The following GLIS3 variants were observed in gnomAD, a reference collection of about 807,000 sequenced individuals.
The protein encoded by GLIS3 is GLIS family zinc finger 3.
In GLIS3, 53 loss-of-function variants were observed where a neutral mutation model predicts 78.6. The observed-to-expected ratio is 0.67, with a 90% CI of 0.54 to 0.85. The LOEUF (loss-of-function observed/expected upper bound fraction) is 0.85, where lower values mean the gene tolerates loss of function less well. Ranked by LOEUF, GLIS3 falls within the 40% of genes least tolerant of loss-of-function variation. The pLI, the probability that GLIS3 is intolerant of heterozygous loss-of-function variation, is 0.00. For synonymous variants in GLIS3, 684 were observed against 509.9 expected, an observed-to-expected ratio of 1.34 and a Z score of -4.60; for missense variants, 1,703 against 1,231.1, an observed-to-expected ratio of 1.38 and a Z score of -5.74.
intron 4 of GLIS3, among the ~76,000 whole-genome samples, chr9:4,025,191 G>A (rs928677043): frequency 6.6e-6 from 1 of 151,932 alleles, no homozygotes; most frequent in Non-Finnish European, 1.5e-5. Context: ...GGCAGACGTT[G>A]CAGTGAGCCA....
At chr9:4,448,073 A>G in the GLIS3 span, among the ~76,000 whole-genome samples, 1 of 152,184 alleles carries the variant, frequency 6.6e-6, no homozygotes, top group East Asian at 1.9e-4. Flanking sequence ...GTACTCTGAT[A>G]GAGCCCAGCT....
rs374278034 is a variant in GLIS3, at chr9:3,828,235, C to T, written c.*37G>A. The T allele has an allele frequency of 2.5e-6, 4 of 1,613,464 alleles. 1 individual carries two copies. The highest frequency in any genetic ancestry group is 2.7e-5 in the African/African-American group (2 of 75,062). ...GAAAACAAAAGGTGGCAAGCAACATCAAGGTCCTGGGTGTGCAGGAGTGGC... is the reference window on the plus strand; with the variant it reads ...GAAAACAAAAGGTGGCAAGCAACATTAAGGTCCTGGGTGTGCAGGAGTGGC... On this transcript the variant is annotated 3_prime_UTR_variant, in exon 11 of 11. Transcript: ENST00000381971.
At chr9:4,195,204 G>T (rs930091747) in intron 2 of GLIS3, among the ~76,000 whole-genome samples, 1 of 152,228 alleles carries the variant, frequency 6.6e-6, no homozygotes, top group African/African-American at 2.4e-5. Flanking sequence ...GGCCACGCTT[G>T]AGGAGCCCTT....
At position 4,125,975 on chromosome 9, in the gene GLIS3, C is replaced by G. The variant is rs768218094; in HGVS notation, c.389-34G>C. The stretch of plus-strand genomic sequence containing the variant: ...AAATGAATCAGGTTAGCTTTCATGT[C>G]CCTTACATCAGAAATCAGTAAATAC... On this transcript the variant is annotated intron_variant, in intron 2 of 10. Transcript: ENST00000381971. The G allele has an allele frequency of 2.0e-6, 3 of 1,512,690 alleles. 1 individual carries two copies. The highest frequency in any genetic ancestry group is 1.7e-5 in the Admixed American group (1 of 59,748). 93.7% of individuals were successfully genotyped at this position (1,512,690 alleles called of 1,614,324 possible).
intron 2 of GLIS3, among the ~76,000 whole-genome samples, chr9:4,151,308 A>G (rs1394758197): frequency 6.6e-6 from 1 of 152,224 alleles, no homozygotes; most frequent in Non-Finnish European, 1.5e-5. Context: ...ACATTTTTAA[A>G]AAGAGGTTCA....
intron 9 of GLIS3, among the ~76,000 whole-genome samples, chr9:3,855,064 G>C (rs1819678382): frequency 6.6e-6 from 1 of 152,196 alleles, no homozygotes; most frequent in Non-Finnish European, 1.5e-5. Flanking sequence ...CAGCCTAAAA[G>C]GACAGTATCT....
In GLIS3 at chr9:3,824,893, GC is replaced by G. The variant is rs1480778411; in HGVS notation, c.*3378del. 3 of 119,646 alleles carry G rather than the reference GC, an allele frequency of 2.5e-5. No individual in the cohort carries two copies. The highest frequency in any genetic ancestry group is 6.3e-5 in the African/African-American group (2 of 31,550). 7.4% of individuals were successfully genotyped at this position (119,646 alleles called of 1,614,324 possible). On this transcript the variant is annotated 3_prime_UTR_variant, in exon 11 of 11. Transcript: ENST00000381971. The stretch of plus-strand genomic sequence containing the variant: ...TACACTCACTATTTCTCCAATGAGT[GC>G]TTTTTTTTTTTTGCTTCATCTGTTG...
intron 4 of GLIS3, among the ~76,000 whole-genome samples, chr9:4,089,602 G>A (rs1350756192): frequency 6.6e-6 from 1 of 152,138 alleles, no homozygotes; most frequent in East Asian, 1.9e-4. Flanking sequence ...CAAGCAGGAG[G>A]ATCTCTTGAG....
chr9:4,297,163 G>A (rs1286618806), intron 1 of GLIS3, among the ~76,000 whole-genome samples: 2 of 152,098 alleles, frequency 1.3e-5, no homozygotes, highest in Non-Finnish European at 2.9e-5. Context: ...GGTCCAGTGA[G>A]GAACAAGACA....
chr9:3,925,970 A>T (rs1234899696), intron 6 of GLIS3, among the ~76,000 whole-genome samples: 1 of 152,208 alleles, frequency 6.6e-6, no homozygotes, highest in Non-Finnish European at 1.5e-5. Context: ...GTGAGGGCAG[A>T]GTGTACTCAG....
chr9:4,354,702 T>C, the GLIS3 span, among the ~76,000 whole-genome samples: 1 of 151,986 alleles, frequency 6.6e-6, no homozygotes, highest in African/African-American at 2.4e-5. Context: ...AGCACTGGAG[T>C]GATGCATAAG....
intron 4 of GLIS3, among the ~76,000 whole-genome samples, chr9:4,086,717 G>T (rs903780708): frequency 2.0e-5 from 3 of 152,180 alleles, no homozygotes; most frequent in African/African-American, 7.2e-5. Flanking sequence ...GTGCTGAGCA[G>T]GCTCTACAGC....
At chr9:4,397,486 C>A in the GLIS3 span, among the ~76,000 whole-genome samples, 1 of 151,696 alleles carries the variant, frequency 6.6e-6, no homozygotes, top group Admixed American at 6.6e-5. Flanking sequence ...ATGTGTCCCA[C>A]TGCTTCCCCC....
intron 2 of GLIS3, among the ~76,000 whole-genome samples, chr9:4,253,136 G>A (rs1419818174): frequency 1.3e-5 from 2 of 152,242 alleles, no homozygotes; most frequent in African/African-American, 2.4e-5. Flanking sequence ...CAGAGCTCAA[G>A]CGCTGTGCTG....
At chr9:4,463,300 A>G in the GLIS3 span, among the ~76,000 whole-genome samples, 3 of 152,230 alleles carry the variant, frequency 2.0e-5, no homozygotes, top group Non-Finnish European at 2.9e-5. Context: ...TAAGAAAGGA[A>G]TTAAGCTGAT....
At chr9:4,362,468 C>G in the GLIS3 span, among the ~76,000 whole-genome samples, 12 of 152,312 alleles carry the variant, frequency 7.9e-5, no homozygotes, top group Admixed American at 2.0e-4. Flanking sequence ...GATGACCACA[C>G]GCTTTCCATC....
At chr9:4,234,119 CGT>C (rs76063778) in intron 2 of GLIS3, among the ~76,000 whole-genome samples, 18,407 of 152,188 alleles carry the variant, frequency 0.12, 1,273 homozygotes, top group African/African-American at 0.18. Context: ...AAACTTTCTC[CGT>C]ATCAGCAATG....
At chr9:4,445,032 T>C in the GLIS3 span, among the ~76,000 whole-genome samples, 10 of 152,332 alleles carry the variant, frequency 6.6e-5, no homozygotes, top group African/African-American at 2.4e-4. Flanking sequence ...TATATACTAG[T>C]TGGTTGCATT....
intron 2 of GLIS3, among the ~76,000 whole-genome samples, chr9:4,201,716 T>C (rs1008757328): frequency 6.6e-6 from 1 of 152,170 alleles, no homozygotes; most frequent in Non-Finnish European, 1.5e-5. Context: ...AAACATTCTA[T>C]GCTCATGGAT....
Sources: gnomAD v4.1 joint callset for allele counts (sites outside exome capture counted in the v4.1 genomes callset) on GRCh38, gnomAD v4.1.1 for gene constraint, MANE v1.5 for transcripts, NCBI Gene and HGNC (gene_info 2026-07-23, HGNC 2026-07-21) for gene names.